The following PTPRD variants were observed in gnomAD, a reference collection of about 807,000 sequenced individuals.
PTPRD encodes receptor-type tyrosine-protein phosphatase delta.
A neutral mutation model predicts 214.5 loss-of-function variants in PTPRD; 34 were observed. The ratio of observed to expected loss-of-function variants is 0.16; its 90% CI spans 0.12 to 0.21. PTPRD has a LOEUF of 0.21. Among genes scored for constraint, PTPRD ranks in the 10% least tolerant of loss-of-function variants. The probability of loss-of-function intolerance (pLI) is 1.00; values close to 1 mark genes in which losing one functional copy is unlikely to be tolerated. For missense variants in PTPRD, 2,545 were observed against 2,398.7 expected, an observed-to-expected ratio of 1.06 and a Z score of -1.27; for synonymous variants, 1,128 against 845.7, an observed-to-expected ratio of 1.33 and a Z score of -5.79.
chr9:9,633,305 G>GAA (rs750323148), intron 7 of PTPRD, among the ~76,000 whole-genome samples: 11 of 144,510 alleles, frequency 7.6e-5, no homozygotes, highest in African/African-American at 2.8e-4. Context: ...CCATCTCAGG[G>GAA]AAAAAAAAAA....
At chr9:10,307,533 A>G (rs1467143886) in intron 3 of PTPRD, among the ~76,000 whole-genome samples, 1 of 152,036 alleles carries the variant, frequency 6.6e-6, no homozygotes, top group African/African-American at 2.4e-5. Context: ...GGAGGTGAAG[A>G]TATCTCTTTA....
At position 8,995,310 on chromosome 9, in the gene PTPRD, T is replaced by G. The variant is rs181052512; in HGVS notation, c.-104+23387A>C. Among the ~76,000 whole-genome samples, 39 of 152,188 alleles carry G rather than the reference T, an allele frequency of 2.6e-4. No homozygotes were observed. In the East Asian group the frequency reaches 5.6e-3, roughly 22 times the overall value. On this transcript the variant is annotated intron_variant, in intron 11 of 45. Coordinates refer to ENST00000381196, the MANE Select transcript of PTPRD (RefSeq NM_002839.4). Reference sequence around the variant, plus strand: ...TATCTGTTAGAAATACACATTGACCTATTCACAAGTAAAGTGATATGATGT... The same window carrying G: ...TATCTGTTAGAAATACACATTGACCGATTCACAAGTAAAGTGATATGATGT...
At chr9:10,365,164 C>T (rs1055870782) in intron 2 of PTPRD, among the ~76,000 whole-genome samples, 15 of 152,110 alleles carry the variant, frequency 9.9e-5, no homozygotes, top group Admixed American at 8.5e-4. Flanking sequence ...CTCATGGCTC[C>T]CAGTTCTCCA....
chr9:8,613,972 A>G (rs1261746080), intron 14 of PTPRD, among the ~76,000 whole-genome samples: 1 of 151,952 alleles, frequency 6.6e-6, no homozygotes, highest in Non-Finnish European at 1.5e-5. Flanking sequence ...TCTATAAAAT[A>G]GTAAAGTTGT....
At chr9:8,496,211 AACACAC>A (rs60850678) in intron 26 of PTPRD, among the ~76,000 whole-genome samples, 3 of 91,450 alleles carry the variant, frequency 3.3e-5, no homozygotes, top group African/African-American at 7.3e-5. Flanking sequence ...CACACACACA[AACACAC>A]ACACACACAC....
chr9:8,836,902 A>G (rs2097437854), intron 11 of PTPRD, among the ~76,000 whole-genome samples: 1 of 151,940 alleles, frequency 6.6e-6, no homozygotes, highest in Non-Finnish European at 1.5e-5. Context: ...CTTTAGAACT[A>G]GCTCTCTTCT....
chr9:8,669,784 G>C (rs540523329), intron 12 of PTPRD, among the ~76,000 whole-genome samples: 1 of 152,320 alleles, frequency 6.6e-6, no homozygotes, highest in East Asian at 1.9e-4. Flanking sequence ...GTTAAAAGAA[G>C]TCATAGAGGT....
intron 8 of PTPRD, among the ~76,000 whole-genome samples, chr9:9,430,088 C>G (rs1325390836): frequency 6.6e-6 from 1 of 152,038 alleles, no homozygotes; most frequent in African/African-American, 2.4e-5. Flanking sequence ...AGGGTATTCA[C>G]TTAGGAAAAG....
At chr9:9,953,142 G>T (rs1347014626) in intron 4 of PTPRD, among the ~76,000 whole-genome samples, 1 of 152,246 alleles carries the variant, frequency 6.6e-6, no homozygotes, top group East Asian at 1.9e-4. Context: ...AAAATGGATG[G>T]TTAATTCTGT....
intron 8 of PTPRD, among the ~76,000 whole-genome samples, chr9:9,542,061 C>A (rs1167639832): frequency 1.3e-5 from 2 of 151,494 alleles, no homozygotes; most frequent in Admixed American, 1.3e-4. Flanking sequence ...AAAATTGGTT[C>A]TTTGAAAAGA....
chr9:10,411,706 A>C (rs1214949767), intron 2 of PTPRD, among the ~76,000 whole-genome samples: 2 of 151,788 alleles, frequency 1.3e-5, no homozygotes, highest in African/African-American at 4.8e-5. Context: ...TTAGCTACTA[A>C]TAATTCTTTA....
intron 3 of PTPRD, among the ~76,000 whole-genome samples, chr9:10,094,752 C>T (rs2098466408): frequency 6.6e-6 from 1 of 151,300 alleles, no homozygotes; most frequent in South Asian, 2.1e-4. Flanking sequence ...TGGCAAAATA[C>T]TGCTGTGATG....
rs1055167939 is a variant in PTPRD, at chr9:8,497,147, C to T, written c.2349+95G>A. On this transcript the variant is annotated intron_variant, in intron 26 of 45. Coordinates refer to ENST00000381196, the MANE Select transcript of PTPRD (RefSeq NM_002839.4). The stretch of plus-strand genomic sequence containing the variant: ...TAATTTGTTAGTTCATGCATCCAAG[C>T]AAACTGTGATGACAGATCACAAATA... 4.6e-6 allele frequency: 5 copies of T among 1,098,178 alleles called. No homozygotes were observed. In the African/African-American group the frequency reaches 8.2e-5, roughly 18 times the overall value. The allele number at this position is 1,098,178 out of a possible 1,614,324, so 68.0% of individuals were successfully genotyped here. A position where few individuals can be genotyped will look rare whatever the true frequency, so the allele number is the denominator to read the frequency against.
At chr9:10,331,827 C>A (rs1051876225) in intron 3 of PTPRD, among the ~76,000 whole-genome samples, 11 of 151,806 alleles carry the variant, frequency 7.2e-5, no homozygotes, top group African/African-American at 2.4e-4. Context: ...CTCATGATCA[C>A]TTTCAGTTGG....
intron 14 of PTPRD, among the ~76,000 whole-genome samples, chr9:8,541,676 G>A (rs1015387050): frequency 2.1e-4 from 32 of 151,730 alleles, no homozygotes; most frequent in African/African-American, 7.3e-4. Flanking sequence ...CTTTGTGTTT[G>A]TTTGTGTTTG....
chr9:9,684,712 T>A (rs945107485), intron 7 of PTPRD, among the ~76,000 whole-genome samples: 1 of 136,130 alleles, frequency 7.3e-6, no homozygotes, highest in Non-Finnish European at 1.7e-5. Flanking sequence ...TGTGTGTGTA[T>A]GTGTGTGTGT....
chr9:10,261,567 G>C (rs1465766938), intron 3 of PTPRD, among the ~76,000 whole-genome samples: 1 of 151,960 alleles, frequency 6.6e-6, no homozygotes, highest in Non-Finnish European at 1.5e-5. Context: ...GAGAGAGTTG[G>C]CATTTAATTT....
At chr9:9,609,697 A>G (rs917891485) in intron 7 of PTPRD, among the ~76,000 whole-genome samples, 1 of 152,144 alleles carries the variant, frequency 6.6e-6, no homozygotes, top group Non-Finnish European at 1.5e-5. Flanking sequence ...TCCCAACCTT[A>G]AGTGATCCAC....
At chr9:8,856,810 G>T in intron 11 of PTPRD, among the ~76,000 whole-genome samples, 1 of 152,144 alleles carries the variant, frequency 6.6e-6, no homozygotes, top group Admixed American at 6.5e-5. Context: ...TGGTGTTCAA[G>T]ATTTTTTTAA....
Sources: allele counts gnomAD v4.1 joint callset (sites outside exome capture counted in the v4.1 genomes callset), GRCh38; gene constraint gnomAD v4.1.1; transcripts MANE v1.5; gene names NCBI Gene and HGNC (gene_info 2026-07-23, HGNC 2026-07-21).